Variants in ZNF540 observed in about 807,000 individuals in gnomAD.
The protein encoded by ZNF540 is CTD-3064H18.6.
In ZNF540, 3 loss-of-function variants were observed where a neutral mutation model predicts 11.8. That is an observed-to-expected ratio of 0.25 (90% CI 0.12 to 0.65). The LOEUF is 0.65. ZNF540 is among the 30% of genes least tolerant of loss of function. The pLI, the probability that ZNF540 is intolerant of heterozygous loss-of-function variation, is 0.83. For missense variants in ZNF540, 709 were observed against 793.1 expected (o/e 0.89, Z 1.27); for synonymous variants, 247 against 259.0 (o/e 0.95, Z 0.45).
chr19:37,597,890 C>A (rs1273884299), intron 1 of ZNF540, among the ~76,000 whole-genome samples: 2 of 152,224 alleles, frequency 1.3e-5, no homozygotes, highest in South Asian at 4.1e-4. Context: ...GCTTTATTTA[C>A]AAAAACATAT....
At chr19:37,573,412 G>C (rs1223841667) in intron 1 of ZNF540, among the ~76,000 whole-genome samples, 1 of 152,086 alleles carries the variant, frequency 6.6e-6, no homozygotes, top group African/African-American at 2.4e-5. Flanking sequence ...TGCCCAATTT[G>C]GTTTTCACCC....
chr19:37,557,371 C>A (rs1406472043), intron 1 of ZNF540, among the ~76,000 whole-genome samples: 2 of 152,220 alleles, frequency 1.3e-5, no homozygotes, highest in Non-Finnish European at 2.9e-5. Context: ...GCGCTCCTGG[C>A]AGATGGCTCC....
chr19:37,577,316 T>C (rs2043276056), intron 1 of ZNF540, among the ~76,000 whole-genome samples: 2 of 152,174 alleles, frequency 1.3e-5, no homozygotes, highest in South Asian at 4.1e-4. Context: ...AAGTGTTTAT[T>C]AAAACCAGCC....
At chr19:37,596,684 G>GA (rs1448625605) in intron 1 of ZNF540, among the ~76,000 whole-genome samples, 1 of 152,070 alleles carries the variant, frequency 6.6e-6, no homozygotes, top group African/African-American at 2.4e-5. Flanking sequence ...TGGGATTACT[G>GA]AAACATCTGG....
chr19:37,556,176 C>T (rs2042657796), intron 1 of ZNF540: 4 of 694,592 alleles, frequency 5.8e-6, no homozygotes, highest in African/African-American at 1.8e-5. Flanking sequence ...GAACAGTACA[C>T]ATAAATCAAC....
intron 1 of ZNF540, among the ~76,000 whole-genome samples, chr19:37,579,882 G>T (rs2147187652): frequency 6.6e-6 from 1 of 152,100 alleles, no homozygotes; most frequent in East Asian, 1.9e-4. Flanking sequence ...CATTTATTCT[G>T]ATATTTTTGT....
chr19:37,587,775 C>A (rs528629198), intron 1 of ZNF540, among the ~76,000 whole-genome samples: 7 of 151,994 alleles, frequency 4.6e-5, no homozygotes, highest in Non-Finnish European at 8.8e-5. Context: ...ATTTTGTCCT[C>A]CCCGCTAACC....
intron 1 of ZNF540, among the ~76,000 whole-genome samples, chr19:37,578,230 T>G (rs1464048177): frequency 6.6e-6 from 1 of 152,026 alleles, no homozygotes; most frequent in Non-Finnish European, 1.5e-5. Flanking sequence ...ATAGCGCTGG[T>G]CTAGAAGACC....
At chr19:37,604,246 C>T (rs1195444622) in intron 4 of ZNF540, among the ~76,000 whole-genome samples, 1 of 130,432 alleles carries the variant, frequency 7.7e-6, no homozygotes, top group African/African-American at 2.9e-5. Flanking sequence ...CTGGAATATA[C>T]AGGATTATTT....
At chr19:37,565,021 A>C (rs1183975745) in intron 1 of ZNF540, 1 of 1,613,584 alleles carries the variant, frequency 6.2e-7, no homozygotes, top group African/African-American at 1.3e-5. Context: ...GTTTCTCACC[A>C]TGAATTTTCT....
chr19:37,583,976 G>A (rs749797711), intron 1 of ZNF540: 1 of 1,607,012 alleles, frequency 6.2e-7, no homozygotes, highest in Admixed American at 1.7e-5. Context: ...CTTACCCAAT[G>A]AGATCAGGTT....
chr19:37,593,154 T>C (rs916520273), upstream of ZNF540, among the ~76,000 whole-genome samples: 1 of 152,240 alleles, frequency 6.6e-6, no homozygotes, highest in Admixed American at 6.5e-5. Context: ...TATAACAGCA[T>C]CATGGTTATT....
intron 4 of ZNF540, among the ~76,000 whole-genome samples, chr19:37,610,731 AG>A (rs1484054841): frequency 2.0e-5 from 3 of 152,210 alleles, no homozygotes; most frequent in Non-Finnish European, 2.9e-5. Flanking sequence ...AGGTAACCAA[AG>A]ACCATATTAT....
At chr19:37,555,910 A>T (rs1369844121) in intron 1 of ZNF540, 2 of 700,750 alleles carry the variant, frequency 2.9e-6, no homozygotes, top group Admixed American at 4.0e-5. Context: ...GATCTGGTTG[A>T]TCCCCCAGAG....
chr19:37,584,001 A>G, intron 1 of ZNF540: 1 of 1,612,700 alleles, frequency 6.2e-7, no homozygotes, highest in South Asian at 1.1e-5. Flanking sequence ...TAGTTCTCCA[A>G]CATCACATCC....
intron 1 of ZNF540, among the ~76,000 whole-genome samples, chr19:37,578,226 C>G (rs930212325): frequency 1.3e-5 from 2 of 152,166 alleles, no homozygotes; most frequent in African/African-American, 4.8e-5. Context: ...TGGGATAGCG[C>G]TGGTCTAGAA....
intron 1 of ZNF540, among the ~76,000 whole-genome samples, chr19:37,572,776 GTTC>G (rs1192334813): frequency 6.6e-6 from 1 of 152,086 alleles, no homozygotes; most frequent in African/African-American, 2.4e-5. Flanking sequence ...AATTTCTTCT[GTTC>G]TTCTATCATA....
chr19:37,553,423 A>G (rs1251026529), intron 1 of ZNF540, among the ~76,000 whole-genome samples: 3 of 151,982 alleles, frequency 2.0e-5, no homozygotes, highest in Non-Finnish European at 4.4e-5. Context: ...ATCAGCCACC[A>G]CGCCTGGCTT....
At chr19:37,566,375 AATT>A in intron 1 of ZNF540, 2 of 1,442,594 alleles carry the variant, frequency 1.4e-6, no homozygotes, top group Non-Finnish European at 9.3e-7. Context: ...AGATGAAAAT[AATT>A]CTCATTAAGA....
Sources: allele counts gnomAD v4.1 joint callset (sites outside exome capture counted in the v4.1 genomes callset), GRCh38; gene constraint gnomAD v4.1.1; transcripts MANE v1.5; gene names NCBI Gene and HGNC (gene_info 2026-07-23, HGNC 2026-07-21).